SIPA1L2: variants seen among roughly 807,000 people sequenced by gnomAD.
SIPA1L2 encodes the protein signal-induced proliferation-associated 1-like protein 2.
Under a neutral mutation model 163.9 loss-of-function variants are expected in SIPA1L2, and 56 were observed. The ratio of observed to expected loss-of-function variants is 0.34; its 90% CI spans 0.28 to 0.43. The LOEUF (loss-of-function observed/expected upper bound fraction) is 0.43. Ranked by LOEUF, SIPA1L2 falls within the 20% of genes least tolerant of loss-of-function variation. SIPA1L2 has a pLI of 1.00. For missense variants in SIPA1L2, 1,974 were observed against 2,193.5 expected (o/e 0.90, Z 2.00); for synonymous variants, 877 against 865.7 (o/e 1.01, Z -0.23).
At chr1:232,435,264 C>G (rs1553283125) in intron 15 of SIPA1L2, among the ~76,000 whole-genome samples, 1 of 152,052 alleles carries the variant, frequency 6.6e-6, no homozygotes, top group Non-Finnish European at 1.5e-5. Context: ...ATGTATTTTT[C>G]CATTTGTTTT....
rs1271870883 is a variant in SIPA1L2, at chr1:232,398,887, G to A, written c.*240C>T. Reference sequence around the variant, plus strand: ...GAAAAAGGTCTCAACTGTCGCCAGGGTTTACATTCATCTTCACACCAGGAG... The same window carrying A: ...GAAAAAGGTCTCAACTGTCGCCAGGATTTACATTCATCTTCACACCAGGAG... On this transcript the variant is annotated 3_prime_UTR_variant, in exon 23 of 23. Coordinates refer to ENST00000674635, the MANE Select transcript of SIPA1L2 (RefSeq NM_020808.5). 6.0e-6 allele frequency: 3 copies of A among 503,014 alleles called. No homozygotes were observed. The highest frequency in any genetic ancestry group is 3.8e-5 in the African/African-American group (2 of 51,988). 31.2% of individuals were successfully genotyped at this position (503,014 alleles called of 1,614,324 possible). A position where few individuals can be genotyped will look rare whatever the true frequency, so the allele number is the denominator to read the frequency against.
intron 2 of SIPA1L2, among the ~76,000 whole-genome samples, chr1:232,523,078 A>G (rs1667531156): frequency 6.6e-6 from 1 of 152,218 alleles, no homozygotes; most frequent in African/African-American, 2.4e-5. Context: ...TTACATTTGA[A>G]ATTATTTGAG....
At chr1:232,559,531 T>C (rs890636234) in intron 2 of SIPA1L2, among the ~76,000 whole-genome samples, 1 of 152,098 alleles carries the variant, frequency 6.6e-6, no homozygotes, top group Non-Finnish European at 1.5e-5. Context: ...ATAAAGACCA[T>C]GAAATAATGA....
At chr1:232,421,779 C>T (rs1442242244) in intron 18 of SIPA1L2, among the ~76,000 whole-genome samples, 3 of 152,204 alleles carry the variant, frequency 2.0e-5, no homozygotes. Flanking sequence ...AACTCTCCCA[C>T]TCTCCCACTT....
At chr1:232,410,812 T>A (rs866351305) in intron 19 of SIPA1L2, among the ~76,000 whole-genome samples, 4 of 152,060 alleles carry the variant, frequency 2.6e-5, no homozygotes, top group African/African-American at 9.7e-5. Context: ...AATCTCTATG[T>A]CTCTTTTTTA....
intron 2 of SIPA1L2, among the ~76,000 whole-genome samples, chr1:232,537,183 A>C (rs980377271): frequency 6.6e-6 from 1 of 152,092 alleles, no homozygotes; most frequent in African/African-American, 2.4e-5. Context: ...GCTACAGTGA[A>C]CTGTGATTGT....
intron 8 of SIPA1L2, among the ~76,000 whole-genome samples, chr1:232,466,792 A>G (rs959772432): frequency 6.6e-6 from 1 of 152,180 alleles, no homozygotes; most frequent in Non-Finnish European, 1.5e-5. Context: ...CTCCGTCTCA[A>G]AAAAACAAAA....
chr1:232,588,408 A>G (rs2102821403), intron 1 of SIPA1L2, among the ~76,000 whole-genome samples: 1 of 151,756 alleles, frequency 6.6e-6, no homozygotes, highest in South Asian at 2.1e-4. Flanking sequence ...GATCTTGACA[A>G]TTTCCCTACA....
chr1:232,434,905 T>C (rs865829410), intron 15 of SIPA1L2, among the ~76,000 whole-genome samples: 1 of 152,178 alleles, frequency 6.6e-6, no homozygotes, highest in African/African-American at 2.4e-5. Context: ...ATCCCCCCAG[T>C]AGTTAACCAA....
intron 4 of SIPA1L2, among the ~76,000 whole-genome samples, chr1:232,493,278 AC>A (rs1450768456): frequency 1.3e-5 from 2 of 152,112 alleles, no homozygotes; most frequent in Admixed American, 6.5e-5. Context: ...TTCATAAATT[AC>A]CCAGTCTCAG....
At chr1:232,435,059 A>G (rs1222026775) in intron 15 of SIPA1L2, among the ~76,000 whole-genome samples, 1 of 152,164 alleles carries the variant, frequency 6.6e-6, no homozygotes. Flanking sequence ...ACTGCCTTCC[A>G]CTACCCGTGT....
chr1:232,599,935 C>A (rs1461987653), intron 1 of SIPA1L2, among the ~76,000 whole-genome samples: 1 of 152,238 alleles, frequency 6.6e-6, no homozygotes, highest in East Asian at 1.9e-4. Flanking sequence ...GTTACCCAGA[C>A]CTAACTGATG....
At chr1:232,473,142 A>C (rs2102950537) in intron 7 of SIPA1L2, among the ~76,000 whole-genome samples, 2 of 152,396 alleles carry the variant, frequency 1.3e-5, no homozygotes, top group African/African-American at 4.8e-5. Flanking sequence ...GTAAATAATC[A>C]GTGAAAACTA....
intron 19 of SIPA1L2, among the ~76,000 whole-genome samples, chr1:232,410,486 G>A (rs932989141): frequency 2.6e-5 from 4 of 151,946 alleles, no homozygotes; most frequent in Non-Finnish European, 4.4e-5. Flanking sequence ...TCTTTCCTGT[G>A]TGTACGTGTT....
chr1:232,622,767 C>A (rs1021846305), intron 1 of SIPA1L2, among the ~76,000 whole-genome samples: 1 of 152,170 alleles, frequency 6.6e-6, no homozygotes, highest in Non-Finnish European at 1.5e-5. Flanking sequence ...TCATTTCAAA[C>A]GACCCAGGAA....
chr1:232,612,811 T>C (rs1282097284), intron 1 of SIPA1L2, among the ~76,000 whole-genome samples: 1 of 152,146 alleles, frequency 6.6e-6, no homozygotes, highest in Non-Finnish European at 1.5e-5. Context: ...TGGGAAGGCA[T>C]GATTGGTTTT....
intron 3 of SIPA1L2, among the ~76,000 whole-genome samples, chr1:232,511,701 T>G (rs1009214789): frequency 2.9e-4 from 44 of 150,520 alleles, no homozygotes; most frequent in African/African-American, 1.1e-3. Flanking sequence ...CAAACTACAG[T>G]CAAAAATTAC....
chr1:232,506,766 G>A (rs1261763056), intron 3 of SIPA1L2, among the ~76,000 whole-genome samples: 1 of 152,068 alleles, frequency 6.6e-6, no homozygotes, highest in Non-Finnish European at 1.5e-5. Context: ...AGAATTCTAT[G>A]GTCGTTCAAT....
At chr1:232,444,354 A>T (rs2102869967) in intron 11 of SIPA1L2, among the ~76,000 whole-genome samples, 1 of 152,332 alleles carries the variant, frequency 6.6e-6, no homozygotes, top group African/African-American at 2.4e-5. Context: ...TACTTAAATA[A>T]GGGAGGTTCT....
Sources: gnomAD v4.1 joint callset for allele counts (sites outside exome capture counted in the v4.1 genomes callset) on GRCh38, gnomAD v4.1.1 for gene constraint, MANE v1.5 for transcripts, NCBI Gene and HGNC (gene_info 2026-07-23, HGNC 2026-07-21) for gene names.